PLEC: variants seen among roughly 807,000 people sequenced by gnomAD.
PLEC encodes hemidesmosomal protein 1.
Under a neutral mutation model 392.8 loss-of-function variants are expected in PLEC, and 216 were observed. That is an observed-to-expected ratio of 0.55 (90% CI 0.49 to 0.62). PLEC has a LOEUF of 0.62. Ranked by LOEUF, PLEC falls within the 20% of genes least tolerant of loss-of-function variation. PLEC has a pLI of 0.00. For missense variants in PLEC, 6,863 were observed against 6,563.4 expected (o/e 1.05, Z -1.58); for synonymous variants, 3,621 against 2,980.6 (o/e 1.21, Z -7.00).
chr8:143,939,178 T>A (rs1435752820), intron 1 of PLEC, among the ~76,000 whole-genome samples, 172 bp downstream of exon 1: 1 of 152,152 alleles, frequency 6.6e-6, no homozygotes, highest in Non-Finnish European at 1.5e-5. Flanking sequence ...CCCGTCAGCC[T>A]CGCGGGCGCC....
At chr8:143,938,305 G>A in intron 2 of PLEC, 65 bp from the exon 3 acceptor site, 1 of 1,534,910 alleles carries the variant, frequency 6.5e-7, no homozygotes, top group South Asian at 1.2e-5. Flanking sequence ...CTGAGTGGCT[G>A]ATCTACAGAG....
At chr8:143,930,087 C>A in intron 21 of PLEC, 25 bp from the exon 22 acceptor site, 1 of 1,605,820 alleles carries the variant, frequency 6.2e-7, no homozygotes, top group Non-Finnish European at 8.5e-7. Flanking sequence ...CTACAGTCAG[C>A]GTCACCAGCG....
chr8:143,950,156 C>G (rs1554734847), intron 1 of PLEC: 1 of 1,477,780 alleles, frequency 6.8e-7, no homozygotes, highest in East Asian at 2.5e-5. Context: ...TGCCACCCAT[C>G]ATGACTTGGG....
At chr8:143,952,210 G>GCA (rs1439033003), upstream of PLEC, among the ~76,000 whole-genome samples, 3 of 95,018 alleles carry the variant, frequency 3.2e-5, no homozygotes, top group African/African-American at 1.5e-4. Context: ...ACACACACAC[G>GCA]CGCGCACACA....
intron 1 of PLEC, among the ~76,000 whole-genome samples, chr8:143,949,755 G>A (rs1587354759): frequency 1.3e-5 from 2 of 152,320 alleles, no homozygotes; most frequent in East Asian, 1.9e-4. Context: ...CCGCGGCAAG[G>A]GAGGCGGCCA....
chr8:143,956,600 T>A (rs571985189), upstream of PLEC, among the ~76,000 whole-genome samples: 2 of 152,262 alleles, frequency 1.3e-5, no homozygotes, highest in South Asian at 4.1e-4. Flanking sequence ...GGTTTCAAGC[T>A]AATGAGAAGG....
Position 143,919,178 on chromosome 8 carries a change from T to C in PLEC, c.10643A>G (p.Lys3548Arg), listed in dbSNP as rs782153391. 5.6e-6 allele frequency: 9 copies of C among 1,613,656 alleles called. No individual in the cohort carries two copies. The highest frequency in any genetic ancestry group is 7.6e-6 in the Non-Finnish European group (9 of 1,180,026). Residue 3548 changes from lysine to arginine, a missense_variant, in exon 32 of 32, where the codon AAG becomes AGG. Transcript: ENST00000345136. ...CTGCGTGGTCTCCACCACCTCAGCCTTCTCCGCCCCTTTCAGTGGCAGAAG... is the reference window on the plus strand; with the variant it reads ...CTGCGTGGTCTCCACCACCTCAGCCCTCTCCGCCCCTTTCAGTGGCAGAAG... ...LRLLPLKGAE[K>R]AEVVETTQVY...
In PLEC at chr8:143,959,923, G is replaced by C. The variant is rs113214068; in HGVS notation, c.70+13480C>G. Among the ~76,000 whole-genome samples the C allele has an allele frequency of 2.0e-3, 298 of 152,174 alleles. 2 individuals are homozygous for C. Among genetic ancestry groups the C allele is most frequent in the African/African-American group, 6.9e-3 (286 of 41,510 alleles). ...AGGCAGGAGAAGTGGAGGTTGCATT[G>C]AGCTGAGATCATGCCACTACACTCC... On this transcript the variant is annotated intron_variant, in intron 1 of 31. Transcript: ENST00000356346.
At position 143,933,013 on chromosome 8, in the gene PLEC, A is replaced by G. The variant is rs1554718651; in HGVS notation, c.1517T>C (p.Val506Ala). Residue 506 changes from valine to alanine, a missense_variant, in exon 14 of 32, where the codon GTG becomes GCG. Val to Ala is a moderately conservative substitution (Grantham distance 64, BLOSUM62 0). Coordinates refer to ENST00000345136, the MANE Select transcript of PLEC (RefSeq NM_201384.3). ...VAAPATQVAQ[V>A]TLQSVQRRPE... ...GCGCCTCTGCACACTCTGCAGAGTCACCTGGGCCACCTGGGTTGCAGGGGC... is the reference window on the plus strand; with the variant it reads ...GCGCCTCTGCACACTCTGCAGAGTCGCCTGGGCCACCTGGGTTGCAGGGGC... 3 of 1,603,102 alleles carry G rather than the reference A, an allele frequency of 1.9e-6. No homozygotes were observed. The highest frequency in any genetic ancestry group is 2.6e-6 in the Non-Finnish European group (3 of 1,175,948).
chr8:143,921,388 G>A lies in PLEC; in HGVS notation c.8433C>T (p.Ala2811=), dbSNP rs782542611. 9 of 1,613,382 alleles carry A rather than the reference G, an allele frequency of 5.6e-6. No individual in the cohort carries two copies. In the Admixed American group the frequency reaches 1.5e-4, roughly 27 times the overall value. The change falls in exon 32 of 32, where the codon GCC becomes GCT. Residue 2811 remains alanine, a synonymous_variant. Coordinates refer to ENST00000345136, the MANE Select transcript of PLEC (RefSeq NM_201384.3). ...GCACGGGGTCGATAACGCCGCCCGT[G>A]GCGATCTGGGCCTCCAGCAGGCGGA... ...HGIRLLEAQI[A]TGGVIDPVHS... is the part of the protein sequence containing the mutation.
chr8:143,927,750 G>A lies in PLEC; in HGVS notation c.3416C>T (p.Ala1139Val), dbSNP rs782669698. The change falls in exon 27 of 32, where the codon GCC becomes GTC. Residue 1139 changes from alanine (A) to valine (V), a missense_variant. Transcript: ENST00000345136. The stretch of plus-strand genomic sequence containing the variant: ...GTCGAACGTGGGCTGCTGTGCCTCG[G>A]CCTGGGCCCGCAGCTTCTGTTGGGG... Reference protein sequence around the residue: ...KASLKKLRAQAEAQQPTFDAL... With the variant: ...KASLKKLRAQVEAQQPTFDAL... 1 of 1,599,472 alleles carries A rather than the reference G, an allele frequency of 6.3e-7. No individual in the cohort carries two copies. The highest frequency in any genetic ancestry group is 2.3e-5 in the East Asian group (1 of 44,064).
rs189859084 is a variant in PLEC at position 143,919,312 on chromosome 8, C to T, written c.10509G>A (p.Ala3503=). 337 of 1,613,974 alleles carry T rather than the reference C, an allele frequency of 2.1e-4. No homozygotes were observed. The highest frequency in any genetic ancestry group is 1.5e-3 in the African/African-American group (116 of 75,066). Reference sequence around the variant, plus strand: ...AGCCCTTGGTGTCGTCGCTGGGGTCCGCCAGGACGCGGTTCATCTCCTCAC... The same window carrying T: ...AGCCCTTGGTGTCGTCGCTGGGGTCTGCCAGGACGCGGTTCATCTCCTCAC... ...YFSEEMNRVL[A]DPSDDTKGFF... is the part of the protein sequence containing the mutation. The change falls in exon 32 of 32, where the codon GCG becomes GCA. Residue 3503 remains alanine, a synonymous_variant. Transcript: ENST00000345136.
At chr8:143,965,128 TC>T (rs1833028126) in intron 1 of PLEC, among the ~76,000 whole-genome samples, 1 of 151,964 alleles carries the variant, frequency 6.6e-6, no homozygotes, top group South Asian at 2.1e-4. Flanking sequence ...CCTGATGCCG[TC>T]CTGGGGCCTT....
Position 143,923,496 on chromosome 8 carries a change from C to G in PLEC, c.6433G>C (p.Glu2145Gln). ...TCCGCCTGTGCCCGCCGCGCCGCCT[C>G]TTGCTCGGCCTCCTTGCGCAGCTTC... Reference protein sequence around the residue: ...AEKLRKEAEQEAARRAQAEQA... With the variant: ...AEKLRKEAEQQAARRAQAEQA... Residue 2145 changes from glutamate to glutamine, a missense_variant, in exon 31 of 32, where the codon GAG becomes CAG. By Grantham distance (29) the Glu-to-Gln change is conservative. Transcript: ENST00000345136. 6.3e-7 allele frequency: 1 copy of G among 1,599,588 alleles called. No homozygotes were observed. Among genetic ancestry groups the G allele is most frequent in the Non-Finnish European group, 8.5e-7 (1 of 1,175,384 alleles).
chr8:143,947,281 A>T (rs576187826), intron 1 of PLEC, among the ~76,000 whole-genome samples: 24 of 152,164 alleles, frequency 1.6e-4, no homozygotes, highest in Middle Eastern at 3.4e-3. Context: ...TGGCTACCCA[A>T]CCCCTGCCCT....
At chr8:143,938,444 A>C in intron 2 of PLEC, 187 bp downstream of exon 2, 1 of 1,541,086 alleles carries the variant, frequency 6.5e-7, no homozygotes. Flanking sequence ...AAAGACCAGA[A>C]GGAAGAGGAG....
chr8:143,960,455 A>G (rs1221100067), intron 1 of PLEC, among the ~76,000 whole-genome samples: 1 of 151,838 alleles, frequency 6.6e-6, no homozygotes, highest in Non-Finnish European at 1.5e-5. Flanking sequence ...CGTCTCTACT[A>G]AAAATACAAA....
rs369517469 is a variant in PLEC, at chr8:143,922,345, C to T, written c.7476G>A (p.Gln2492=). 22 of 1,605,110 alleles carry T rather than the reference C, an allele frequency of 1.4e-5. No individual in the cohort carries two copies. The highest frequency in any genetic ancestry group is 2.7e-5 in the African/African-American group (2 of 74,936). Residue 2492 remains glutamine, a synonymous_variant, in exon 32 of 32, where the codon CAG becomes CAA. Coordinates refer to ENST00000345136, the MANE Select transcript of PLEC (RefSeq NM_201384.3). ...TGTCCTTTTCAGAGAGGAAGCTTTG[C>T]TGCAGGGCCTGCGTCTCCTGCAGCA... ...EQLLQETQAL[Q]QSFLSEKDSL...
chr8:143,933,460 C>T, intron 12 of PLEC, 109 bp from the exon 13 acceptor site: 2 of 1,287,758 alleles, frequency 1.6e-6, no homozygotes, highest in South Asian at 1.2e-5. Flanking sequence ...CAGTGGGCCA[C>T]TGCCTCCATC....
Sources: gnomAD v4.1 joint callset for allele counts (sites outside exome capture counted in the v4.1 genomes callset) on GRCh38, gnomAD v4.1.1 for gene constraint, MANE v1.5 for transcripts, NCBI Gene and HGNC (gene_info 2026-07-23, HGNC 2026-07-21) for gene names.